The following PSMD9 variants were observed in gnomAD, a reference collection of about 807,000 sequenced individuals.
PSMD9 encodes 26S proteasome non-ATPase regulatory subunit 9.
In PSMD9, 26 loss-of-function variants were observed where a neutral mutation model predicts 25.9. The observed-to-expected ratio is 1.00, with a 90% CI of 0.73 to 1.39. The LOEUF (loss-of-function observed/expected upper bound fraction) is 1.39. PSMD9 is among the 40% of genes most tolerant of loss of function. The pLI is 0.00. For synonymous variants in PSMD9, 110 were observed against 114.5 expected, an observed-to-expected ratio of 0.96 and a Z score of 0.25; for missense variants, 303 against 299.3, an observed-to-expected ratio of 1.01 and a Z score of -0.09.
intron 2 of PSMD9, chr12:121,898,944 T>G (rs1190509363): frequency 6.6e-6 from 1 of 152,382 alleles, no homozygotes; most frequent in South Asian, 2.1e-4. Context: ...ATGGTCTCCA[T>G]CTCCTGACCT....
chr12:121,892,155 G>A (rs140259410), intron 1 of PSMD9, among the ~76,000 whole-genome samples: 129 of 152,242 alleles, frequency 8.5e-4, no homozygotes, highest in African/African-American at 3.0e-3. Flanking sequence ...TCTGATAAGA[G>A]GATAGTATCT....
At chr12:121,889,072 T>C in intron 1 of PSMD9, 78 bp downstream of exon 1, 1 of 1,508,770 alleles carries the variant, frequency 6.6e-7, no homozygotes, top group Non-Finnish European at 8.9e-7. Flanking sequence ...CAGGGCGGCC[T>C]CAGTTTGGGC....
At chr12:121,915,336 AAAAG>A (rs1478048632) in intron 4 of PSMD9, 35 of 152,188 alleles carry the variant, frequency 2.3e-4, no homozygotes, top group African/African-American at 8.0e-4. Flanking sequence ...AAAAAAAAAA[AAAAG>A]AAAGAAAATA....
rs1878956989 is a variant in PSMD9, at chr12:121,888,803, G to T, written c.-54G>T. On this transcript the variant is annotated 5_prime_UTR_variant, in exon 1 of 6. Transcript: ENST00000541212. ...GGAGCCGTAGTTACGGTCGACTGGG[G>T]CGTCGTCCCTAGCCCGGGAGCCGGG... 1.9e-6 allele frequency: 3 copies of T among 1,563,662 alleles called. No individual in the cohort carries two copies. Among genetic ancestry groups the T allele is most frequent in the Non-Finnish European group, 2.6e-6 (3 of 1,155,040 alleles).
intron 4 of PSMD9, among the ~76,000 whole-genome samples, chr12:121,908,598 T>G (rs2135729368): frequency 6.6e-6 from 1 of 152,296 alleles, no homozygotes; most frequent in Non-Finnish European, 1.5e-5. Context: ...AACAGGGTCC[T>G]TGCCTTGGGA....
rs914687953 is a variant in PSMD9 at position 121,890,390 on chromosome 12, T to C, written c.138+1396T>C. On this transcript the variant is annotated intron_variant, in intron 1 of 5. Coordinates refer to ENST00000541212, the MANE Select transcript of PSMD9 (RefSeq NM_002813.7). Reference sequence around the variant, plus strand: ...TTTCTACCACATGCAGTATACTATATGCATATACCACTTGTGTTATTCCTT... The same window carrying C: ...TTTCTACCACATGCAGTATACTATACGCATATACCACTTGTGTTATTCCTT... Among the ~76,000 whole-genome samples the C allele has an allele frequency of 9.2e-5, 14 of 152,360 alleles. No homozygotes were observed. The South Asian group carries it at 2.7e-3, about 29-fold the overall frequency.
At position 121,916,289 on chromosome 12, in the gene PSMD9, A is replaced by G. The variant is rs527756062; in HGVS notation, c.650A>G (p.Asn217Ser). 2.5e-6 allele frequency: 4 copies of G among 1,614,004 alleles called. No homozygotes were observed. The highest frequency in any genetic ancestry group is 3.4e-6 in the Non-Finnish European group (4 of 1,179,986). Reference sequence around the variant, plus strand: ...CCTTTTCTTCTTTCTTCCAGCTGCAACATTATTCCTCTGCAAAGATGATTG... The same window carrying G: ...CCTTTTCTTCTTTCTTCCAGCTGCAGCATTATTCCTCTGCAAAGATGATTG... The part of the protein sequence containing the change: ...RWAGKGLLGC[N>S]IIPLQR The change falls in exon 6 of 6, where the codon AAC becomes AGC. Residue 217 changes from asparagine to serine, a missense_variant. Physicochemically the swap from Asn to Ser is conservative, Grantham distance 46 (BLOSUM62 1). Coordinates refer to ENST00000541212, the MANE Select transcript of PSMD9 (RefSeq NM_002813.7).
At chr12:121,899,889 G>C (rs367766002) in intron 3 of PSMD9, 44 bp downstream of exon 3, 2 of 1,605,716 alleles carry the variant, frequency 1.2e-6, no homozygotes, top group Non-Finnish European at 1.7e-6. Context: ...CAGGGGACAC[G>C]GTGGGTCAGG....
intron 1 of PSMD9, among the ~76,000 whole-genome samples, chr12:121,889,375 C>T (rs981380727): frequency 1.3e-5 from 2 of 152,174 alleles, no homozygotes; most frequent in Admixed American, 1.3e-4. Context: ...TCGCTGACTG[C>T]CTTATCTTAA....
At chr12:121,908,080 A>G (rs1395021581) in intron 4 of PSMD9, 1 of 152,108 alleles carries the variant, frequency 6.6e-6, no homozygotes, top group African/African-American at 2.4e-5. Flanking sequence ...ACATAGTGCA[A>G]TTGTATTTAC....
chr12:121,909,763 G>A (rs912907885), intron 4 of PSMD9, among the ~76,000 whole-genome samples: 8 of 152,012 alleles, frequency 5.3e-5, no homozygotes, highest in African/African-American at 1.9e-4. Flanking sequence ...TCCATTGGTC[G>A]GTTCACCATC....
intron 3 of PSMD9, among the ~76,000 whole-genome samples, chr12:121,900,985 TAAAAAAA>T (rs749082407): frequency 7.8e-5 from 7 of 89,484 alleles, no homozygotes; most frequent in African/African-American, 3.0e-4. Context: ...AGACTCTGTC[TAAAAAAA>T]AAAAAAAAAA....
chr12:121,890,522 C>T (rs545153931), intron 1 of PSMD9, among the ~76,000 whole-genome samples: 22 of 152,210 alleles, frequency 1.4e-4, no homozygotes, highest in South Asian at 1.2e-3. Flanking sequence ...GGCTGGAGTT[C>T]AGTGGCACCA....
chr12:121,913,035 G>C (rs1257199778), intron 4 of PSMD9, among the ~76,000 whole-genome samples: 8 of 149,304 alleles, frequency 5.4e-5, no homozygotes, highest in Middle Eastern at 3.4e-3. Flanking sequence ...CTCCTGGGTT[G>C]ACGCCATTCT....
intron 1 of PSMD9, 29 bp downstream of exon 1, chr12:121,889,023 C>A: frequency 1.3e-6 from 2 of 1,563,886 alleles, no homozygotes; most frequent in South Asian, 1.2e-5. Flanking sequence ...CGCCCCAAGT[C>A]GCCTAACCCG....
At chr12:121,891,587 G>A (rs1201164261) in intron 1 of PSMD9, among the ~76,000 whole-genome samples, 2 of 148,060 alleles carry the variant, frequency 1.4e-5, no homozygotes, top group Admixed American at 6.8e-5. Flanking sequence ...GTGACAGAGC[G>A]AGACTCCGTC....
At position 121,903,283 on chromosome 12, in the gene PSMD9, G is replaced by T. The variant is rs555355529; in HGVS notation, c.555+176G>T. Among the ~76,000 whole-genome samples the T allele has an allele frequency of 3.3e-5, 5 of 152,272 alleles. No homozygotes were observed. In the South Asian group the frequency reaches 1.0e-3, roughly 32 times the overall value. On this transcript the variant is annotated intron_variant, in intron 4 of 5. Transcript: ENST00000541212. ...GGAGGGCTTGCTTCCTAACTCCTAGGTGGTGCCTTCTTGCTGTGTCCTCAC... is the reference window on the plus strand; with the variant it reads ...GGAGGGCTTGCTTCCTAACTCCTAGTTGGTGCCTTCTTGCTGTGTCCTCAC...
At chr12:121,909,703 T>C (rs1879661919) in intron 4 of PSMD9, among the ~76,000 whole-genome samples, 1 of 152,136 alleles carries the variant, frequency 6.6e-6, no homozygotes, top group African/African-American at 2.4e-5. Context: ...CGAAGGGAAT[T>C]CCTTGTCGGC....
chr12:121,892,687 C>G (rs962799571), intron 1 of PSMD9, among the ~76,000 whole-genome samples: 4 of 151,374 alleles, frequency 2.6e-5, no homozygotes, highest in African/African-American at 9.7e-5. Flanking sequence ...GGCAACAGAG[C>G]GAGACTCTGT....
Sources: allele counts gnomAD v4.1 joint callset (sites outside exome capture counted in the v4.1 genomes callset), GRCh38; gene constraint gnomAD v4.1.1; transcripts MANE v1.5; gene names NCBI Gene and HGNC (gene_info 2026-07-23, HGNC 2026-07-21).